The following CCAR1 variants were observed in gnomAD, a reference collection of about 807,000 sequenced individuals.
CCAR1 encodes the protein cell division cycle and apoptosis regulator 1.
Under a neutral mutation model 163.8 loss-of-function variants are expected in CCAR1, and 78 were observed. That is an observed-to-expected ratio of 0.48 (90% CI 0.40 to 0.57). The LOEUF (loss-of-function observed/expected upper bound fraction) is 0.57, where lower values mean the gene tolerates loss of function less well. Ranked by LOEUF, CCAR1 falls within the 20% of genes least tolerant of loss-of-function variation. CCAR1 has a pLI of 0.00. For missense variants in CCAR1, 1,019 were observed against 1,365.2 expected (o/e 0.75, Z 4.00); for synonymous variants, 443 against 460.7 (o/e 0.96, Z 0.49).
At chr10:68,790,219 T>C (rs1197799848) in intron 24 of CCAR1, among the ~76,000 whole-genome samples, 2 of 152,006 alleles carry the variant, frequency 1.3e-5, no homozygotes, top group Non-Finnish European at 2.9e-5. Context: ...TAGCCAGACA[T>C]GGTGGCGGGC....
chr10:68,733,087 T>C (rs2056062700), intron 2 of CCAR1, among the ~76,000 whole-genome samples: 1 of 152,112 alleles, frequency 6.6e-6, no homozygotes, highest in Admixed American at 6.6e-5. Context: ...TCCCTACCTA[T>C]GACATCTGAC....
chr10:68,754,577 A>T (rs1332148900), intron 11 of CCAR1, 137 bp from the exon 12 acceptor site: 3 of 570,570 alleles, frequency 5.3e-6, no homozygotes. Context: ...GGTATCTAAT[A>T]CTGTTTCTGC....
At chr10:68,781,532 T>TC (rs1285990318) in intron 19 of CCAR1, among the ~76,000 whole-genome samples, 1 of 151,936 alleles carries the variant, frequency 6.6e-6, no homozygotes, top group Non-Finnish European at 1.5e-5. Context: ...AGAGCAAGAC[T>TC]CCGTCTCCAA....
In CCAR1 at chr10:68,771,335, G is replaced by A. The variant is rs1354811354; in HGVS notation, c.2428G>A (p.Glu810Lys). The change falls in exon 18 of 25, where the codon GAG (glutamate) becomes AAG (lysine). Residue 810 changes from glutamate to lysine, a missense_variant. Coordinates refer to ENST00000265872, the MANE Select transcript of CCAR1 (RefSeq NM_018237.4). ...KEKDKKSKKDERKDKKEERDD... is the reference protein window; with the variant it reads ...KEKDKKSKKDKRKDKKEERDD... ...AAAGGATAAAAAAAGCAAAAAAGAT[G>A]AGAGAAAAGATAAAAAAGAAGAAAG... is the stretch of plus-strand genomic sequence containing the variant. 6.2e-7 allele frequency: 1 copy of A among 1,606,988 alleles called. No individual in the cohort carries two copies. Among genetic ancestry groups the A allele is most frequent in the East Asian group, 2.2e-5 (1 of 44,796 alleles).
intron 19 of CCAR1, among the ~76,000 whole-genome samples, chr10:68,780,101 A>G (rs957567315): frequency 1.3e-5 from 2 of 152,234 alleles, no homozygotes; most frequent in African/African-American, 4.8e-5. Flanking sequence ...TTTGAAAGTG[A>G]CACCTCTCAA....
intron 17 of CCAR1, among the ~76,000 whole-genome samples, chr10:68,768,318 G>C (rs571987022): frequency 6.7e-6 from 1 of 150,354 alleles, no homozygotes; most frequent in East Asian, 1.9e-4. Flanking sequence ...TTTTTTTTAA[G>C]CAGTTGCCTG....
chr10:68,773,643 G>A, intron 19 of CCAR1, among the ~76,000 whole-genome samples: 1 of 151,762 alleles, frequency 6.6e-6, no homozygotes, highest in East Asian at 1.9e-4. Context: ...TCCAGTCTGG[G>A]CAATAGAGTG....
intron 21 of CCAR1, 92 bp from the exon 22 acceptor site, chr10:68,787,835 C>A: frequency 7.7e-7 from 1 of 1,294,690 alleles, no homozygotes; most frequent in Non-Finnish European, 1.1e-6. Context: ...GACTCTTTCT[C>A]AAAAGAAAGT....
At chr10:68,764,364 G>C (rs866327948) in intron 16 of CCAR1, among the ~76,000 whole-genome samples, 7 of 150,002 alleles carry the variant, frequency 4.7e-5, no homozygotes, top group African/African-American at 1.7e-4. Flanking sequence ...AGACAACTTC[G>C]TGAGACCCCA....
intron 16 of CCAR1, among the ~76,000 whole-genome samples, chr10:68,765,300 G>C (rs2056523084): frequency 6.6e-6 from 1 of 152,150 alleles, no homozygotes; most frequent in African/African-American, 2.4e-5. Flanking sequence ...CTTGTAAGGG[G>C]TGAAATTTTG....
At chr10:68,773,240 T>A in intron 19 of CCAR1, 141 bp downstream of exon 19, 1 of 478,432 alleles carries the variant, frequency 2.1e-6, no homozygotes, top group South Asian at 3.0e-5. Context: ...TGAGAAAGTT[T>A]TTCTGATTTT....
intron 5 of CCAR1, 140 bp downstream of exon 5, chr10:68,740,801 G>A (rs1476351611): frequency 3.4e-6 from 2 of 591,604 alleles, no homozygotes; most frequent in Non-Finnish European, 5.8e-6. Context: ...GCTAAATAAA[G>A]GTAGTAGTAT....
intron 19 of CCAR1, among the ~76,000 whole-genome samples, chr10:68,781,714 G>T (rs2056738176): frequency 6.6e-6 from 1 of 152,012 alleles, no homozygotes; most frequent in Admixed American, 6.6e-5. Flanking sequence ...AATTGGTGTG[G>T]TTACATGCCC....
chr10:68,773,126 C>G, intron 19 of CCAR1, 27 bp downstream of exon 19: 1 of 1,146,412 alleles, frequency 8.7e-7, no homozygotes, highest in Non-Finnish European at 1.3e-6. Context: ...TTTATTACTT[C>G]TTAGAGTTAA....
At chr10:68,735,127 T>C (rs2056091792) in intron 2 of CCAR1, among the ~76,000 whole-genome samples, 2 of 152,134 alleles carry the variant, frequency 1.3e-5, no homozygotes, top group Admixed American at 6.6e-5. Flanking sequence ...GCAGGTGGAT[T>C]GCTTGAGCCT....
intron 2 of CCAR1, among the ~76,000 whole-genome samples, chr10:68,727,381 A>T (rs1457000064): frequency 3.3e-5 from 5 of 152,124 alleles, no homozygotes; most frequent in Non-Finnish European, 7.3e-5. Flanking sequence ...CTAAGAGATG[A>T]GGAAATTGAG....
intron 2 of CCAR1, among the ~76,000 whole-genome samples, chr10:68,723,102 ATTTATTTT>A (rs891437052): frequency 6.7e-6 from 1 of 150,346 alleles, no homozygotes; most frequent in African/African-American, 2.4e-5. Flanking sequence ...TTCCCCAAAC[ATTTATTTT>A]TTTATTTATT....
chr10:68,748,799 G>A (rs1448759883), intron 8 of CCAR1, among the ~76,000 whole-genome samples: 4 of 151,684 alleles, frequency 2.6e-5, no homozygotes, highest in Non-Finnish European at 4.4e-5. Flanking sequence ...CTGCAGCCTC[G>A]ACCTCCTGGC....
intron 20 of CCAR1, 79 bp from the exon 21 acceptor site, chr10:68,786,465 GCA>G: frequency 2.1e-6 from 2 of 954,922 alleles, no homozygotes; most frequent in Admixed American, 3.0e-5. Context: ...GCTATCTTAT[GCA>G]CAGTCTCCGT....
Sources: gnomAD v4.1 joint callset for allele counts (sites outside exome capture counted in the v4.1 genomes callset) on GRCh38, gnomAD v4.1.1 for gene constraint, MANE v1.5 for transcripts, NCBI Gene and HGNC (gene_info 2026-07-23, HGNC 2026-07-21) for gene names.